The following PTPRD variants were observed in gnomAD, a reference collection of about 807,000 sequenced individuals.
PTPRD encodes receptor-type tyrosine-protein phosphatase delta.
Under a neutral mutation model 214.5 loss-of-function variants are expected in PTPRD, and 34 were observed. The ratio of observed to expected loss-of-function variants is 0.16; its 90% CI spans 0.12 to 0.21. PTPRD has a LOEUF of 0.21. PTPRD is among the 10% of genes least tolerant of loss of function. The probability of loss-of-function intolerance (pLI) is 1.00; values close to 1 mark genes in which losing one functional copy is unlikely to be tolerated. For missense variants in PTPRD, 2,545 were observed against 2,398.7 expected, an observed-to-expected ratio of 1.06 and a Z score of -1.27; for synonymous variants, 1,128 against 845.7, an observed-to-expected ratio of 1.33 and a Z score of -5.79.
At chr9:9,584,149 T>C (rs2091443261) in intron 7 of PTPRD, among the ~76,000 whole-genome samples, 1 of 151,898 alleles carries the variant, frequency 6.6e-6, no homozygotes, top group African/African-American at 2.4e-5. Context: ...ATTTTAGTAA[T>C]ACTAGCAAGC....
At chr9:10,371,711 C>T (rs1007158642) in intron 2 of PTPRD, among the ~76,000 whole-genome samples, 3 of 152,024 alleles carry the variant, frequency 2.0e-5, no homozygotes, top group African/African-American at 7.2e-5. Flanking sequence ...TAAATGTGCA[C>T]ATTTGGAAAT....
intron 8 of PTPRD, among the ~76,000 whole-genome samples, chr9:9,571,467 C>A (rs1193501608): frequency 1.3e-5 from 2 of 151,088 alleles, no homozygotes; most frequent in Non-Finnish European, 3.0e-5. Flanking sequence ...ATTTTAGAAG[C>A]AATAAATATA....
intron 5 of PTPRD, among the ~76,000 whole-genome samples, chr9:9,848,969 T>A (rs1156376355): frequency 6.6e-6 from 1 of 151,904 alleles, no homozygotes; most frequent in Admixed American, 6.6e-5. Flanking sequence ...CCAACATACT[T>A]CCTAAACAGA....
chr9:8,901,652 T>A (rs752105936), intron 11 of PTPRD, among the ~76,000 whole-genome samples: 3 of 152,184 alleles, frequency 2.0e-5, no homozygotes, highest in African/African-American at 4.8e-5. Flanking sequence ...GTTCCCCTTC[T>A]TTCTCTGGCT....
chr9:8,613,384 T>G (rs1473129918), intron 14 of PTPRD, among the ~76,000 whole-genome samples: 1 of 152,152 alleles, frequency 6.6e-6, no homozygotes, highest in African/African-American at 2.4e-5. Flanking sequence ...ATATCTTACT[T>G]TGCCTTCCTT....
chr9:9,126,597 T>C (rs2099834293), intron 10 of PTPRD, among the ~76,000 whole-genome samples: 1 of 152,240 alleles, frequency 6.6e-6, no homozygotes, highest in East Asian at 1.9e-4. Context: ...GTGAGTTATA[T>C]ATACATTTAA....
chr9:10,558,383 G>C (rs118028212), intron 2 of PTPRD, among the ~76,000 whole-genome samples: 17 of 152,178 alleles, frequency 1.1e-4, no homozygotes, highest in Non-Finnish European at 2.2e-4. Context: ...AAAGTAATTT[G>C]ACTTTAAGAT....
intron 3 of PTPRD, among the ~76,000 whole-genome samples, chr9:10,062,664 C>T (rs977084680): frequency 3.9e-5 from 6 of 152,016 alleles, no homozygotes; most frequent in Admixed American, 3.3e-4. Flanking sequence ...TGTTAAGTAG[C>T]CGATAGCACT....
intron 2 of PTPRD, among the ~76,000 whole-genome samples, chr9:10,386,905 A>G (rs936687513): frequency 1.3e-5 from 2 of 151,688 alleles, no homozygotes; most frequent in South Asian, 4.2e-4. Flanking sequence ...CTCAGGTCCA[A>G]TGTAATCCCA....
chr9:9,503,701 A>G (rs937755918), intron 8 of PTPRD, among the ~76,000 whole-genome samples: 5 of 151,766 alleles, frequency 3.3e-5, no homozygotes, highest in Non-Finnish European at 7.4e-5. Context: ...CACTTGTGTC[A>G]AACTCTAACA....
At chr9:9,953,136 T>C (rs2093604068) in intron 4 of PTPRD, among the ~76,000 whole-genome samples, 1 of 152,172 alleles carries the variant, frequency 6.6e-6, no homozygotes, top group Non-Finnish European at 1.5e-5. Flanking sequence ...AGAACCAAAA[T>C]GGATGGTTAA....
rs150911675 is a variant in PTPRD at position 10,528,449 on chromosome 9, C to T, written c.-600+83949G>A. Among the ~76,000 whole-genome samples the T allele has an allele frequency of 1.4e-3, 211 of 152,242 alleles. 1 individual carries two copies. The highest frequency in any genetic ancestry group is 2.3e-3 in the Non-Finnish European group (155 of 68,030). ...CTGCTACTATTAATGTGGAGACCAC[C>T]TTCATTATAGAACCTGTTACAGTAT... On this transcript the variant is annotated intron_variant, in intron 2 of 45. Coordinates refer to ENST00000381196, the MANE Select transcript of PTPRD (RefSeq NM_002839.4).
intron 3 of PTPRD, among the ~76,000 whole-genome samples, chr9:10,208,230 C>A (rs1442799114): frequency 6.6e-6 from 1 of 152,120 alleles, no homozygotes; most frequent in Non-Finnish European, 1.5e-5. Context: ...AGACTGAAAC[C>A]GCGGCGGGGC....
rs115884706 is a variant in PTPRD, at chr9:10,004,096, A to T, written c.-472+29622T>A. Among the ~76,000 whole-genome samples, 945 of 152,070 alleles carry T rather than the reference A, an allele frequency of 6.2e-3. 8 individuals carry two copies. The highest frequency in any genetic ancestry group is 0.021 in the African/African-American group (875 of 41,556). Reference sequence around the variant, plus strand: ...GAGGAACTAATATTCATCAAATATTATACTCAGCATGTGGCTACAAAAAAG... The same window carrying T: ...GAGGAACTAATATTCATCAAATATTTTACTCAGCATGTGGCTACAAAAAAG... On this transcript the variant is annotated intron_variant, in intron 4 of 45. Coordinates refer to ENST00000381196, the MANE Select transcript of PTPRD (RefSeq NM_002839.4).
At chr9:9,829,422 G>A (rs962821269) in intron 5 of PTPRD, among the ~76,000 whole-genome samples, 6 of 151,828 alleles carry the variant, frequency 4.0e-5, no homozygotes, top group African/African-American at 1.2e-4. Flanking sequence ...CACAGGTGTT[G>A]TGGAATTCAT....
intron 4 of PTPRD, among the ~76,000 whole-genome samples, chr9:9,959,020 A>G (rs1050839219): frequency 3.3e-5 from 5 of 152,202 alleles, no homozygotes; most frequent in African/African-American, 1.2e-4. Context: ...GTTGTTTCTA[A>G]AAGTTATGTT....
chr9:10,496,987 G>T (rs1215262734), intron 2 of PTPRD, among the ~76,000 whole-genome samples: 1 of 151,958 alleles, frequency 6.6e-6, no homozygotes, highest in Admixed American at 6.6e-5. Flanking sequence ...ATGGAATAAT[G>T]TCCTTTGCAC....
chr9:9,173,744 A>G (rs151242411), intron 10 of PTPRD, among the ~76,000 whole-genome samples: 146 of 152,256 alleles, frequency 9.6e-4, no homozygotes, highest in African/African-American at 3.2e-3. Context: ...TTGACCATGG[A>G]CCATTGTTAC....
chr9:9,787,472 T>G (rs538716171), intron 5 of PTPRD, among the ~76,000 whole-genome samples: 20 of 150,980 alleles, frequency 1.3e-4, no homozygotes, highest in African/African-American at 4.9e-4. Flanking sequence ...TTAATTAATG[T>G]TACTTTTTTT....
Sources: allele counts gnomAD v4.1 joint callset (sites outside exome capture counted in the v4.1 genomes callset), GRCh38; gene constraint gnomAD v4.1.1; transcripts MANE v1.5; gene names NCBI Gene and HGNC (gene_info 2026-07-23, HGNC 2026-07-21).